Variants in RHOJ observed in about 807,000 individuals in gnomAD.
RHOJ encodes the protein rho-related GTP-binding protein RhoJ.
Under a neutral mutation model 23.4 loss-of-function variants are expected in RHOJ, and 11 were observed. That is an observed-to-expected ratio of 0.47 (90% CI 0.30 to 0.78). The LOEUF is 0.78. Ranked by LOEUF, RHOJ falls within the 30% of genes least tolerant of loss-of-function variation. RHOJ has a pLI of 0.08. For missense variants in RHOJ, 254 were observed against 273.4 expected, an observed-to-expected ratio of 0.93 and a Z score of 0.50; for synonymous variants, 102 against 102.7, an observed-to-expected ratio of 0.99 and a Z score of 0.04.
At chr14:63,284,458 T>TG in intron 4 of RHOJ, 2 of 623,636 alleles carry the variant, frequency 3.2e-6, no homozygotes, top group Non-Finnish European at 4.0e-6. Flanking sequence ...TGGTCTCAGC[T>TG]TACAGATGAG....
intron 1 of RHOJ, among the ~76,000 whole-genome samples, chr14:63,216,573 A>C (rs1334237935): frequency 6.6e-6 from 1 of 152,216 alleles, no homozygotes; most frequent in Non-Finnish European, 1.5e-5. Flanking sequence ...TCTCCTCAGG[A>C]GTCCTCCTCT....
chr14:63,264,365 C>T (rs1412839802), intron 1 of RHOJ, among the ~76,000 whole-genome samples: 1 of 152,210 alleles, frequency 6.6e-6, no homozygotes, highest in Non-Finnish European at 1.5e-5. Context: ...CTTTTTATGG[C>T]TACATAGTAT....
Position 63,257,805 on chromosome 14 carries a change from C to T in RHOJ, c.179-11305C>T, listed in dbSNP as rs989483598. On this transcript the variant is annotated intron_variant, in intron 1 of 4. Coordinates refer to ENST00000316754, the MANE Select transcript of RHOJ (RefSeq NM_020663.5). ...CCCAGCCTTTCTCCCGTGCCAGGTC[C>T]TGAATACCTTGCTCCACGGGGACAG... 6.7e-5 allele frequency among the ~76,000 whole-genome samples: 10 copies of T among 149,576 alleles called. 2 individuals carry two copies.
chr14:63,227,462 T>A (rs1174483255), intron 1 of RHOJ, among the ~76,000 whole-genome samples: 1 of 152,240 alleles, frequency 6.6e-6, no homozygotes, highest in East Asian at 1.9e-4. Context: ...CTCTTCCCTA[T>A]GTAATTTATA....
chr14:63,219,600 A>G (rs565362546), intron 1 of RHOJ, among the ~76,000 whole-genome samples: 1 of 152,150 alleles, frequency 6.6e-6, no homozygotes, highest in African/African-American at 2.4e-5. Flanking sequence ...GGAGGATCAC[A>G]AGGTCAGGAG....
intron 1 of RHOJ, among the ~76,000 whole-genome samples, chr14:63,248,416 C>T (rs1454885013): frequency 6.6e-6 from 1 of 152,110 alleles, no homozygotes; most frequent in Non-Finnish European, 1.5e-5. Context: ...TTTGCTCCCT[C>T]CCATCCATTC....
Position 63,278,061 on chromosome 14 carries a change from G to A in RHOJ, c.238-2910G>A, listed in dbSNP as rs148590837. 5.9e-5 allele frequency among the ~76,000 whole-genome samples: 9 copies of A among 151,904 alleles called. No individual in the cohort carries two copies. In the East Asian group the frequency reaches 1.7e-3, roughly 29 times the overall value. ...TAGACCTGGCACAACTTCCCAGTAT[G>A]ACCAGTGATTATTCAGCTGTGCACC... On this transcript the variant is annotated intron_variant, in intron 2 of 4. Coordinates refer to ENST00000316754, the MANE Select transcript of RHOJ (RefSeq NM_020663.5).
chr14:63,257,962 C>T (rs1269869816), intron 1 of RHOJ, among the ~76,000 whole-genome samples: 3 of 149,710 alleles, frequency 2.0e-5, no homozygotes, highest in Non-Finnish European at 4.5e-5. Flanking sequence ...TCATCTGGCT[C>T]ACACCTGTAA....
intron 1 of RHOJ, among the ~76,000 whole-genome samples, chr14:63,245,746 G>A (rs1894965704): frequency 6.6e-6 from 1 of 152,122 alleles, no homozygotes; most frequent in African/African-American, 2.4e-5. Flanking sequence ...CTCTTTGTTG[G>A]TAAATGCTTA....
intron 1 of RHOJ, among the ~76,000 whole-genome samples, chr14:63,205,929 T>G (rs1350777873): frequency 6.6e-6 from 1 of 152,246 alleles, no homozygotes; most frequent in Non-Finnish European, 1.5e-5. Context: ...AATGAAATTC[T>G]TCAAGCTTAT....
intron 1 of RHOJ, among the ~76,000 whole-genome samples, chr14:63,218,181 A>G (rs575829491): frequency 6.6e-6 from 1 of 152,328 alleles, no homozygotes; most frequent in East Asian, 1.9e-4. Context: ...AAGAATTAAT[A>G]TCATTGTGGG....
chr14:63,231,304 G>C (rs1894691455), intron 1 of RHOJ, among the ~76,000 whole-genome samples: 2 of 152,134 alleles, frequency 1.3e-5, no homozygotes, highest in South Asian at 4.1e-4. Flanking sequence ...GGATGTAAGA[G>C]AGTACTTATG....
chr14:63,208,484 A>T (rs1309726947), intron 1 of RHOJ, among the ~76,000 whole-genome samples: 1 of 152,190 alleles, frequency 6.6e-6, no homozygotes, highest in African/African-American at 2.4e-5. Flanking sequence ...TGTCCTGTGA[A>T]ATCCAACAGT....
chr14:63,278,178 T>C (rs756724524), intron 2 of RHOJ, among the ~76,000 whole-genome samples: 15 of 152,194 alleles, frequency 9.9e-5, no homozygotes, highest in Non-Finnish European at 4.4e-5. Flanking sequence ...ATTTTACTTT[T>C]CAGCATCATT....
intron 2 of RHOJ, among the ~76,000 whole-genome samples, chr14:63,273,182 A>G (rs1292054580): frequency 6.6e-6 from 1 of 152,216 alleles, no homozygotes; most frequent in African/African-American, 2.4e-5. Context: ...ACTCCGTTTA[A>G]TTCCCTGTTA....
At chr14:63,289,333 C>A (rs765477440) in intron 4 of RHOJ, among the ~76,000 whole-genome samples, 29 of 152,302 alleles carry the variant, frequency 1.9e-4, no homozygotes, top group Middle Eastern at 3.4e-3. Flanking sequence ...TTACAGCCCA[C>A]CATAGTCCCC....
In RHOJ at chr14:63,219,543, C is replaced by T. The variant is rs377641878; in HGVS notation, c.178+14496C>T. On this transcript the variant is annotated intron_variant, in intron 1 of 4. Transcript: ENST00000316754. The stretch of plus-strand genomic sequence containing the variant: ...TTAAGAGTTCTCTTTTCTGGCCGGG[C>T]GTGGTGGCTCACACCTATAATCCCA... 1.0e-3 allele frequency among the ~76,000 whole-genome samples: 153 copies of T among 152,206 alleles called. 3 individuals carry two copies. Among genetic ancestry groups the T allele is most frequent in the East Asian group, 3.9e-3 (20 of 5,184 alleles).
In RHOJ at chr14:63,224,014, C is replaced by T. The variant is rs561497784; in HGVS notation, c.178+18967C>T. Among the ~76,000 whole-genome samples the T allele has an allele frequency of 1.5e-4, 23 of 152,166 alleles. No homozygotes were observed. The East Asian group carries it at 3.9e-3, about 26-fold the overall frequency. ...ATAACCTGTCTTCTTGATAACATAG[C>T]GCTCCAGGGGTCCCCAGGCAACTAA... On this transcript the variant is annotated intron_variant, in intron 1 of 4. Transcript: ENST00000316754.
chr14:63,221,072 T>G (rs1416500930), intron 1 of RHOJ, among the ~76,000 whole-genome samples: 2 of 152,168 alleles, frequency 1.3e-5, no homozygotes, highest in Non-Finnish European at 2.9e-5. Flanking sequence ...CTCACACCTG[T>G]AATCCCAGCA....
Sources: gnomAD v4.1 joint callset for allele counts (sites outside exome capture counted in the v4.1 genomes callset) on GRCh38, gnomAD v4.1.1 for gene constraint, MANE v1.5 for transcripts, NCBI Gene and HGNC (gene_info 2026-07-23, HGNC 2026-07-21) for gene names.